The following GSDME variants were observed in gnomAD, a reference collection of about 807,000 sequenced individuals.
GSDME encodes the protein gasdermin E.
A neutral mutation model predicts 47.5 loss-of-function variants in GSDME; 44 were observed. That is an observed-to-expected ratio of 0.93 (90% CI 0.73 to 1.19). The LOEUF is 1.19. Among genes scored for constraint, GSDME ranks in the 50% most tolerant of loss-of-function variants. The pLI is 0.00. For missense variants in GSDME, 663 were observed against 604.2 expected, an observed-to-expected ratio of 1.10 and a Z score of -1.02; for synonymous variants, 258 against 252.8, an observed-to-expected ratio of 1.02 and a Z score of -0.20.
At chr7:24,727,981 T>C (rs1192038872) in intron 3 of GSDME, among the ~76,000 whole-genome samples, 1 of 152,180 alleles carries the variant, frequency 6.6e-6, no homozygotes, top group Non-Finnish European at 1.5e-5. Flanking sequence ...GGGGTGCCAC[T>C]AGCTGCCGTC....
At position 24,719,216 on chromosome 7, in the gene GSDME, G is replaced by A; in HGVS notation, c.407C>T (p.Thr136Ile). The change falls in exon 4 of 10, where the codon ACA (threonine) becomes ATA (isoleucine). Residue 136 changes from threonine to isoleucine, a missense_variant and splice_region_variant. Coordinates refer to ENST00000645220, the MANE Select transcript of GSDME (RefSeq NM_001127453.2). ...GAGCACAGGGTTTCTCAGATTTATT[G>A]TTCTGAAAAAGAAAAACGGATGTGA... ...QQLIRDSAER[T>I]INLRNPVLQQ... 1 of 1,610,682 alleles carries A rather than the reference G, an allele frequency of 6.2e-7. No homozygotes were observed.
chr7:24,767,752 T>G, the GSDME span, among the ~76,000 whole-genome samples: 1 of 152,198 alleles, frequency 6.6e-6, no homozygotes, highest in East Asian at 1.9e-4. The surrounding 1 kb of genome is among the most constrained non-coding windows in gnomAD (Gnocchi z 5.3). Flanking sequence ...TGCAGAAAAC[T>G]TAAAGACATT....
Position 24,719,091 on chromosome 7 carries a change from C to A in GSDME, c.532G>T (p.Glu178Ter), listed in dbSNP as rs775344506. 6.2e-7 allele frequency: 1 copy of A among 1,613,576 alleles called. No homozygotes were observed. Among genetic ancestry groups the A allele is most frequent in the Non-Finnish European group, 8.5e-7 (1 of 1,180,030 alleles). ...ATGCCCACGATGCCACCACACTTCT[C>A]CTCGACCTGCATGTGCTCAGAGATC... ...CVISEHMQVEEKCGGIVGIQT... is the reference protein window; with the variant it reads ...CVISEHMQVE The change falls in exon 4 of 10, where the codon GAG (glutamate) becomes TAG (stop). Residue 178 changes from glutamate to a stop codon, truncating the protein, a stop_gained. Coordinates refer to ENST00000645220, the MANE Select transcript of GSDME (RefSeq NM_001127453.2). LOFTEE classifies it high-confidence loss of function.
At chr7:24,769,150 A>C in the GSDME span, among the ~76,000 whole-genome samples, 1 of 152,224 alleles carries the variant, frequency 6.6e-6, no homozygotes, top group Non-Finnish European at 1.5e-5. Flanking sequence ...AAATGAGATC[A>C]CAAGAAAAAC....
At chr7:24,718,989 C>T (rs1789671730) in intron 4 of GSDME, 58 bp downstream of exon 4, 1 of 1,598,880 alleles carries the variant, frequency 6.3e-7, no homozygotes, top group South Asian at 1.1e-5. Flanking sequence ...AAGAGGCCCC[C>T]AACCAAGGTC....
chr7:24,722,534 C>T (rs1193006918), intron 3 of GSDME, among the ~76,000 whole-genome samples: 2 of 152,200 alleles, frequency 1.3e-5, no homozygotes, highest in East Asian at 1.9e-4. Flanking sequence ...GGCATGGGCT[C>T]CTCCCAGCTA....
chr7:24,778,172 C>T, the GSDME span, among the ~76,000 whole-genome samples: 3 of 151,526 alleles, frequency 2.0e-5, no homozygotes, highest in East Asian at 5.9e-4. This position sits in a 1 kb window ranked among gnomAD's most constrained non-coding sequence, Gnocchi z 5.6. Context: ...CAAAATGTCC[C>T]TTCTTACTCA....
Position 24,714,803 on chromosome 7 carries a change from A to T in GSDME, c.697+2451T>A, listed in dbSNP as rs1210836668. On this transcript the variant is annotated intron_variant, in intron 5 of 9. Transcript: ENST00000645220. This position sits in a 1 kb window ranked among gnomAD's most constrained non-coding sequence, Gnocchi z 5.0. Reference sequence around the variant, plus strand: ...CTGGGACAAACAGGAGGAAGCTCGCATGGGGACCACCACCTAGAGTGGCAG... The same window carrying T: ...CTGGGACAAACAGGAGGAAGCTCGCTTGGGGACCACCACCTAGAGTGGCAG... Among the ~76,000 whole-genome samples the T allele has an allele frequency of 6.6e-6, 1 of 152,206 alleles. No individual in the cohort carries two copies. Among genetic ancestry groups the T allele is most frequent in the Non-Finnish European group, 1.5e-5 (1 of 68,036 alleles).
rs1261656793 is a variant in GSDME, at chr7:24,716,341, A to G, written c.697+913T>C. On this transcript the variant is annotated intron_variant, in intron 5 of 9. Coordinates refer to ENST00000645220, the MANE Select transcript of GSDME (RefSeq NM_001127453.2). This position sits in a 1 kb window ranked among gnomAD's most constrained non-coding sequence, Gnocchi z 4.5. Reference sequence around the variant, plus strand: ...TATGCTCCACTCATATTATTTTTGAATCAAACCACAGACATATTACCATTT... The same window carrying G: ...TATGCTCCACTCATATTATTTTTGAGTCAAACCACAGACATATTACCATTT... The G allele has an allele frequency of 6.6e-6, 1 of 152,256 alleles. No individual in the cohort carries two copies. Among genetic ancestry groups the G allele is most frequent in the Non-Finnish European group, 1.5e-5 (1 of 68,066 alleles). The allele number at this position is 152,256 out of a possible 1,614,324, so 9.4% of individuals were successfully genotyped here. A position where few individuals can be genotyped will look rare whatever the true frequency, so the allele number is the denominator to read the frequency against.
chr7:24,738,032 GA>G (rs1010816661), intron 3 of GSDME, among the ~76,000 whole-genome samples: 1 of 152,110 alleles, frequency 6.6e-6, no homozygotes, highest in East Asian at 1.9e-4. Flanking sequence ...CTGAAATGGA[GA>G]AAAACTGAAA....
In GSDME at chr7:24,732,099, C is replaced by A. The variant is rs189912911; in HGVS notation, c.404+12463G>T. On this transcript the variant is annotated intron_variant, in intron 3 of 9. Coordinates refer to ENST00000645220, the MANE Select transcript of GSDME (RefSeq NM_001127453.2). This position sits in a 1 kb window ranked among gnomAD's most constrained non-coding sequence, Gnocchi z 4.8. ...AGAAACACAGCAAAAAGAGAATCAG[C>A]GACAGGACCAGAATCAGGGAACTCA... Among the ~76,000 whole-genome samples, 1 of 152,160 alleles carries A rather than the reference C, an allele frequency of 6.6e-6. No homozygotes were observed. Among genetic ancestry groups the A allele is most frequent in the African/African-American group, 2.4e-5 (1 of 41,422 alleles).
At chr7:24,708,999 G>A (rs954037152) in intron 6 of GSDME, among the ~76,000 whole-genome samples, 1 of 152,248 alleles carries the variant, frequency 6.6e-6, no homozygotes, top group Admixed American at 6.5e-5. Flanking sequence ...TAAAGGTTTC[G>A]TATGCAGGGA....
rs727505273 is a variant in GSDME, at chr7:24,706,388, GGAA to G, written c.991-15_991-13del. The stretch of plus-strand genomic sequence containing the variant: ...ACCAGGTCATCGCACTGTAGGGCAG[GGAA>G]GAAGAAGGGTCATGACACAGCTGGA... On this transcript the variant is annotated splice_polypyrimidine_tract_variant and intron_variant, in intron 7 of 9. Coordinates refer to ENST00000645220, the MANE Select transcript of GSDME (RefSeq NM_001127453.2). 3.7e-6 allele frequency: 6 copies of G among 1,610,738 alleles called. No homozygotes were observed. Among genetic ancestry groups the G allele is most frequent in the African/African-American group, 1.3e-5 (1 of 74,952 alleles).
At position 24,747,596 on chromosome 7, in the gene GSDME, C is replaced by T. The variant is rs114003074; in HGVS notation, c.211+1968G>A. Among the ~76,000 whole-genome samples, 1,037 of 152,314 alleles carry T rather than the reference C, an allele frequency of 6.8e-3. 10 individuals carry two copies. Among genetic ancestry groups the T allele is most frequent in the African/African-American group, 0.023 (974 of 41,572 alleles). ...GCTCCAGTAATTCTCTAAGAATTTA[C>T]GCTAAAGCAGTTGCCTAAAAAACTA... On this transcript the variant is annotated intron_variant, in intron 2 of 9. Coordinates refer to ENST00000645220, the MANE Select transcript of GSDME (RefSeq NM_001127453.2).
chr7:24,789,934 G>A, the GSDME span, among the ~76,000 whole-genome samples: 3 of 152,178 alleles, frequency 2.0e-5, no homozygotes, highest in East Asian at 1.9e-4. Flanking sequence ...CAAGGGAGTA[G>A]TAAGCAGGTT....
chr7:24,718,983 G>A, intron 4 of GSDME, 64 bp downstream of exon 4: 1 of 1,574,596 alleles, frequency 6.4e-7, no homozygotes, highest in Non-Finnish European at 8.7e-7. Flanking sequence ...CACCCAAAGA[G>A]GCCCCCAACC....
intron 7 of GSDME, 87 bp downstream of exon 7, chr7:24,708,040 G>A (rs1328858684): frequency 2.0e-6 from 3 of 1,536,444 alleles, no homozygotes; most frequent in Non-Finnish European, 2.7e-6. Context: ...GGAGGCGGGG[G>A]AACCTTTAAC....
chr7:24,767,109 A>G, the GSDME span, among the ~76,000 whole-genome samples: 1 of 152,216 alleles, frequency 6.6e-6, no homozygotes, highest in Non-Finnish European at 1.5e-5. The surrounding 1 kb of genome is among the most constrained non-coding windows in gnomAD (Gnocchi z 5.3). Context: ...TGATCACCTG[A>G]GGTCAGGGGT....
chr7:24,782,372 C>T, the GSDME span, among the ~76,000 whole-genome samples: 1 of 152,130 alleles, frequency 6.6e-6, no homozygotes, highest in African/African-American at 2.4e-5. Context: ...CAGTTTCATC[C>T]ATGTCGCTAC....
Sources: gnomAD v4.1 joint callset for allele counts (sites outside exome capture counted in the v4.1 genomes callset) on GRCh38, gnomAD v4.1.1 for gene constraint, Gnocchi (gnomAD v3.1) non-coding constraint, MANE v1.5 for transcripts, NCBI Gene and HGNC (gene_info 2026-07-23, HGNC 2026-07-21) for gene names.